The following NACAD variants were observed in gnomAD, a reference collection of about 807,000 sequenced individuals.
NACAD encodes the protein NAC-alpha domain-containing protein 1.
Under a neutral mutation model 98.9 loss-of-function variants are expected in NACAD, and 47 were observed. The ratio of observed to expected loss-of-function variants is 0.48; its 90% CI spans 0.38 to 0.61. The LOEUF (loss-of-function observed/expected upper bound fraction) is 0.61, where lower values mean the gene tolerates loss of function less well. NACAD is among the 20% of genes least tolerant of loss of function. NACAD has a pLI of 0.00. For missense variants in NACAD, 1,412 were observed against 1,748.2 expected (o/e 0.81, Z 3.43); for synonymous variants, 696 against 767.2 (o/e 0.91, Z 1.53).
rs1784414421 is a variant in NACAD at position 45,080,670 on chromosome 7, G to A, written c.4644C>T (p.Asp1548=). The change falls in exon 7 of 8, where the codon GAC becomes GAT. Residue 1548 remains aspartate (D), a synonymous_variant. Transcript: ENST00000490531. The part of the protein sequence containing the change: ...SRAKAVRALR[D]NHSDIVNAIM... Reference sequence around the variant, plus strand: ...TGGCGTTGACGATGTCACTGTGGTTGTCTCTCAGAGCCCGCACGGCCTTGG... The same window carrying A: ...TGGCGTTGACGATGTCACTGTGGTTATCTCTCAGAGCCCGCACGGCCTTGG... The A allele has an allele frequency of 6.4e-7, 1 of 1,551,180 alleles. No homozygotes were observed. Among genetic ancestry groups the A allele is most frequent in the Non-Finnish European group, 8.7e-7 (1 of 1,146,948 alleles).
Position 45,082,439 on chromosome 7 carries a change from G to T in NACAD, c.3741C>A (p.Ala1247=). 1 of 1,549,030 alleles carries T rather than the reference G, an allele frequency of 6.5e-7. No individual in the cohort carries two copies. The highest frequency in any genetic ancestry group is 1.2e-5 in the South Asian group (1 of 83,978). ...CCTGGGGGTCCTGGCACAGGCAGGG[G>T]GCTGGGGGCTCCAGTGGGGGTAGGG... ...GAALPPLEPP[A]PCLCQDPQED... The change falls in exon 2 of 8, where the codon GCC becomes GCA. Residue 1247 remains alanine (A), a synonymous_variant. Coordinates refer to ENST00000490531, the MANE Select transcript of NACAD (RefSeq NM_001146334.2). This position sits in a 1 kb window ranked among gnomAD's most constrained non-coding sequence, Gnocchi z 4.5.
chr7:45,085,094 C>A lies in NACAD; in HGVS notation c.1086G>T (p.Leu362=). 1 of 1,551,088 alleles carries A rather than the reference C, an allele frequency of 6.4e-7. No individual in the cohort carries two copies. The highest frequency in any genetic ancestry group is 8.7e-7 in the Non-Finnish European group (1 of 1,146,940). ...TGATGGACAGGTCAGACAGTGACTG[C>A]AGGAAGGAGGCAGACGTGCTGTCCT... ...GEEDSTSASF[L]QSLSDLSITE... Residue 362 remains leucine (L), a synonymous_variant, in exon 2 of 8, where the codon CTG becomes CTT. Transcript: ENST00000490531. The surrounding 1 kb of genome is among the most constrained non-coding windows in gnomAD (Gnocchi z 6.1).
chr7:45,082,863 G>A lies in NACAD; in HGVS notation c.3317C>T (p.Ala1106Val), dbSNP rs540224471. Residue 1106 changes from alanine (A) to valine (V), a missense_variant, in exon 2 of 8, where the codon GCG becomes GTG. Ala to Val is a moderately conservative substitution (Grantham distance 64). Transcript: ENST00000490531. The surrounding 1 kb of genome is among the most constrained non-coding windows in gnomAD (Gnocchi z 4.5). Reference sequence around the variant, plus strand: ...GACCTCAGGGCAGGCAGCAGGAGGCGCATCGGGGACCTCCCTTGCACCTCC... The same window carrying A: ...GACCTCAGGGCAGGCAGCAGGAGGCACATCGGGGACCTCCCTTGCACCTCC... ...ALGGAREVPD[A>V]PPAACPEVSQ... The A allele has an allele frequency of 5.2e-6, 8 of 1,550,212 alleles. No individual in the cohort carries two copies. Among genetic ancestry groups the A allele is most frequent in the East Asian group, 2.4e-5 (1 of 40,910 alleles).
In NACAD at chr7:45,080,954, T is replaced by A. The variant is rs1784420787; in HGVS notation, c.4473A>T (p.Ser1491=). The A allele has an allele frequency of 6.4e-7, 1 of 1,552,016 alleles. No individual in the cohort carries two copies. The highest frequency in any genetic ancestry group is 8.7e-7 in the Non-Finnish European group (1 of 1,147,190). ...AEKFKVPSEP[S]ALVPESAPRP... Reference sequence around the variant, plus strand: ...TGGGTGCTGACTCAGGGACCAAGGCTGAGGGCTCTGAGGGCACCTTAAACT... The same window carrying A: ...TGGGTGCTGACTCAGGGACCAAGGCAGAGGGCTCTGAGGGCACCTTAAACT... The change falls in exon 6 of 8, where the codon TCA becomes TCT. Residue 1491 remains serine (S), a synonymous_variant. Transcript: ENST00000490531.
Position 45,081,168 on chromosome 7 carries a change from A to G in NACAD, c.4353T>C (p.Asp1451=). Residue 1451 remains aspartate, a synonymous_variant, in exon 5 of 8, where the codon GAT becomes GAC. Coordinates refer to ENST00000490531, the MANE Select transcript of NACAD (RefSeq NM_001146334.2). The part of the protein sequence containing the change: ...KNILFVIAKP[D]VFKSPASDTY... ...TGTCTGAGGCTGGGCTCTTGAAGAC[A>G]TCAGGCTTGGCGATGACAAAGAGGA... is the stretch of plus-strand genomic sequence containing the variant. The G allele has an allele frequency of 1.3e-6, 2 of 1,551,504 alleles. No homozygotes were observed. The highest frequency in any genetic ancestry group is 1.7e-6 in the Non-Finnish European group (2 of 1,147,006).
chr7:45,084,797 T>C lies in NACAD; in HGVS notation c.1383A>G (p.Arg461=). The change falls in exon 2 of 8, where the codon AGA becomes AGG. Residue 461 remains arginine (R), a synonymous_variant. Coordinates refer to ENST00000490531, the MANE Select transcript of NACAD (RefSeq NM_001146334.2). ...TSDRGAYLSQ[R]QELISEVTEE... ...CTGTTACTTCTGAGATCAATTCCTG[T>C]CTCTGGGACAGATAGGCCCCTCTGT... 6.4e-7 allele frequency: 1 copy of C among 1,550,910 alleles called. No individual in the cohort carries two copies. Among genetic ancestry groups the C allele is most frequent in the Non-Finnish European group, 8.7e-7 (1 of 1,146,898 alleles).
intron 5 of NACAD, 23 bp downstream of exon 5, chr7:45,081,094 T>C (rs1222935325): frequency 6.4e-7 from 1 of 1,551,078 alleles, no homozygotes; most frequent in Non-Finnish European, 8.7e-7. Context: ...GATCCCCCAT[T>C]CCACCACAGC....
At chr7:45,087,881 T>G (rs1784544460) in intron 1 of NACAD, among the ~76,000 whole-genome samples, 1 of 152,040 alleles carries the variant, frequency 6.6e-6, no homozygotes, top group Non-Finnish European at 1.5e-5. Flanking sequence ...GGCTGAGCTG[T>G]TGGGATGGAG....
At position 45,086,120 on chromosome 7, in the gene NACAD, G is replaced by GAT. The variant is rs1240264067; in HGVS notation, c.68-10_68-9dup. 6 of 1,534,874 alleles carry GAT rather than the reference G, an allele frequency of 3.9e-6. No homozygotes were observed. In the African/African-American group the frequency reaches 8.2e-5, roughly 21 times the overall value. On this transcript the variant is annotated splice_polypyrimidine_tract_variant and intron_variant, in intron 1 of 7. Transcript: ENST00000490531. ...CCGCATCGCAGGACAGATCTGTGGA[G>GAT]ATAGAGAAGATCATGAGGTGCCCCT...
chr7:45,085,506 C>T lies in NACAD; in HGVS notation c.674G>A (p.Gly225Glu). Residue 225 changes from glycine to glutamate, a missense_variant, in exon 2 of 8, where the codon GGG becomes GAG. Transcript: ENST00000490531. The surrounding 1 kb of genome is among the most constrained non-coding windows in gnomAD (Gnocchi z 6.1). The part of the protein sequence containing the change: ...SPSGSYITAD[G>E]DSWASSPSCS... Reference sequence around the variant, plus strand: ...GGAGGGTGAAGAGGCCCAGCTGTCCCCATCGGCCGTAATGTAGGAGCCCGA... The same window carrying T: ...GGAGGGTGAAGAGGCCCAGCTGTCCTCATCGGCCGTAATGTAGGAGCCCGA... 6.4e-7 allele frequency: 1 copy of T among 1,550,796 alleles called. No individual in the cohort carries two copies. Among genetic ancestry groups the T allele is most frequent in the Non-Finnish European group, 8.7e-7 (1 of 1,146,958 alleles).
Position 45,084,434 on chromosome 7 carries a change from T to G in NACAD, c.1746A>C (p.Ala582=). The stretch of plus-strand genomic sequence containing the variant: ...TAGCCTGCCTGGGGACAATCGTGGC[T>G]GCAGCTACAGGCTTTCTGCCAGAGG... ...DLPSGRKPVA[A]ATIVPRQAKE... is the part of the protein sequence containing the mutation. The change falls in exon 2 of 8, where the codon GCA becomes GCC. Residue 582 remains alanine, a synonymous_variant. Transcript: ENST00000490531. The G allele has an allele frequency of 6.4e-7, 1 of 1,551,884 alleles. No homozygotes were observed. The highest frequency in any genetic ancestry group is 8.7e-7 in the Non-Finnish European group (1 of 1,146,944).
At position 45,082,442 on chromosome 7, in the gene NACAD, T is replaced by G; in HGVS notation, c.3738A>C (p.Pro1246=). ...GGGGGTCCTGGCACAGGCAGGGGGC[T>G]GGGGGCTCCAGTGGGGGTAGGGCTG... The part of the protein sequence containing the change: ...AGAALPPLEP[P]APCLCQDPQE... Residue 1246 remains proline, a synonymous_variant, in exon 2 of 8, where the codon CCA becomes CCC. Coordinates refer to ENST00000490531, the MANE Select transcript of NACAD (RefSeq NM_001146334.2). This position sits in a 1 kb window ranked among gnomAD's most constrained non-coding sequence, Gnocchi z 4.5. 1 of 1,547,948 alleles carries G rather than the reference T, an allele frequency of 6.5e-7. No homozygotes were observed. The highest frequency in any genetic ancestry group is 8.7e-7 in the Non-Finnish European group (1 of 1,146,266).
At position 45,080,639 on chromosome 7, in the gene NACAD, C is replaced by T; in HGVS notation, c.4674+1G>A. The stretch of plus-strand genomic sequence containing the variant: ...AGGGAAAGGGGCCAGTGCTCACTCA[C>T]CATGATGGCGTTGACGATGTCACTG... On this transcript the variant is annotated splice_donor_variant, in intron 7 of 7. Coordinates refer to ENST00000490531, the MANE Select transcript of NACAD (RefSeq NM_001146334.2). LOFTEE classifies it high-confidence loss of function. The T allele has an allele frequency of 6.4e-7, 1 of 1,551,382 alleles. No individual in the cohort carries two copies.
In NACAD at chr7:45,083,052, T is replaced by G. The variant is rs1454670280; in HGVS notation, c.3128A>C (p.Glu1043Ala). The G allele has an allele frequency of 2.6e-6, 4 of 1,550,802 alleles. No individual in the cohort carries two copies. The highest frequency in any genetic ancestry group is 8.7e-7 in the Non-Finnish European group (1 of 1,147,006). ...TTCCCGTCCAGGCCTAGAAAGGGCT[T>G]CTGCTATTTCCTCCCCAGCACCAGA... is the stretch of plus-strand genomic sequence containing the variant. ...PASGAGEEIA[E>A]ALSRPGREAC... Residue 1043 changes from glutamate to alanine, a missense_variant, in exon 2 of 8, where the codon GAA becomes GCA. Around this residue, in one of 5 missense-constraint regions of NACAD, gnomAD observed 572 missense variants for 639.6 expected, o/e 0.89. Transcript: ENST00000490531.
In NACAD at chr7:45,085,347, G is replaced by A. The variant is rs1470601994; in HGVS notation, c.833C>T (p.Ser278Phe). 1 of 1,550,626 alleles carries A rather than the reference G, an allele frequency of 6.4e-7. No individual in the cohort carries two copies. Among genetic ancestry groups the A allele is most frequent in the Non-Finnish European group, 8.7e-7 (1 of 1,146,760 alleles). Reference protein sequence around the residue: ...AGTPEPPSSESSLSADSSSSW... With the variant: ...AGTPEPPSSEFSLSADSSSSW... ...GGAGCTGCTGTCTGCAGAGAGGCTGGACTCAGAGGACGGGGGCTCTGGGGT... is the reference window on the plus strand; with the variant it reads ...GGAGCTGCTGTCTGCAGAGAGGCTGAACTCAGAGGACGGGGGCTCTGGGGT... Residue 278 changes from serine to phenylalanine, a missense_variant, in exon 2 of 8, where the codon TCC (serine) becomes TTC (phenylalanine). Physicochemically the swap from Ser to Phe is radical, Grantham distance 155. This residue lies in a region of NACAD where 638 missense variants were observed against 722.7 expected (regional missense o/e 0.88). Coordinates refer to ENST00000490531, the MANE Select transcript of NACAD (RefSeq NM_001146334.2). The surrounding 1 kb of genome is among the most constrained non-coding windows in gnomAD (Gnocchi z 6.1).
At chr7:45,087,709 G>T (rs1265537389) in intron 1 of NACAD, among the ~76,000 whole-genome samples, 2 of 152,336 alleles carry the variant, frequency 1.3e-5, no homozygotes, top group East Asian at 3.9e-4. Context: ...TGCTGCTGGG[G>T]TGATGGGACA....
At position 45,085,235 on chromosome 7, in the gene NACAD, G is replaced by T. The variant is rs1311094108; in HGVS notation, c.945C>A (p.Gly315=). ...CTGCCTCCACCTGAAAGATGAGGCTGCCCTGGAAGGGTAGGAGGGCTGCGG... is the reference window on the plus strand; with the variant it reads ...CTGCCTCCACCTGAAAGATGAGGCTTCCCTGGAAGGGTAGGAGGGCTGCGG... The part of the protein sequence containing the change: ...MIPAALLPFQ[G]SLIFQVEAVE... The change falls in exon 2 of 8, where the codon GGC becomes GGA. Residue 315 remains glycine (G), a synonymous_variant. Coordinates refer to ENST00000490531, the MANE Select transcript of NACAD (RefSeq NM_001146334.2). The surrounding 1 kb of genome is among the most constrained non-coding windows in gnomAD (Gnocchi z 6.1). 5 of 1,551,484 alleles carry T rather than the reference G, an allele frequency of 3.2e-6. No individual in the cohort carries two copies. The highest frequency in any genetic ancestry group is 2.0e-5 in the Admixed American group (1 of 51,014).
At position 45,085,524 on chromosome 7, in the gene NACAD, G is replaced by A. The variant is rs1784506607; in HGVS notation, c.656C>T (p.Ser219Phe). 1 of 1,550,762 alleles carries A rather than the reference G, an allele frequency of 6.4e-7. No individual in the cohort carries two copies. The highest frequency in any genetic ancestry group is 8.7e-7 in the Non-Finnish European group (1 of 1,146,948). ...GCTGTCCCCATCGGCCGTAATGTAG[G>A]AGCCCGAGGGTGAGGCGGGGGGCGA... ...LDSPPASPSG[S>F]YITADGDSWA... The change falls in exon 2 of 8, where the codon TCC becomes TTC. Residue 219 changes from serine (S) to phenylalanine (F), a missense_variant. By Grantham distance (155) the Ser-to-Phe change is radical. This residue lies in a region of NACAD where 638 missense variants were observed against 722.7 expected (regional missense o/e 0.88). Coordinates refer to ENST00000490531, the MANE Select transcript of NACAD (RefSeq NM_001146334.2). The surrounding 1 kb of genome is among the most constrained non-coding windows in gnomAD (Gnocchi z 6.1).
chr7:45,082,489 C>T lies in NACAD; in HGVS notation c.3691G>A (p.Ala1231Thr). 1 of 1,549,520 alleles carries T rather than the reference C, an allele frequency of 6.5e-7. No homozygotes were observed. The highest frequency in any genetic ancestry group is 1.7e-4 in the Middle Eastern group (1 of 5,956). The change falls in exon 2 of 8, where the codon GCT becomes ACT. Residue 1231 changes from alanine (A) to threonine (T), a missense_variant. Ala to Thr is a moderately conservative substitution (Grantham distance 58). Transcript: ENST00000490531. The surrounding 1 kb of genome is among the most constrained non-coding windows in gnomAD (Gnocchi z 4.5). Reference sequence around the variant, plus strand: ...GCTGCCCCAGCAAGGGTACCAGGAGCAGAAGGGTCAGGGCCCAGGGGCCTG... The same window carrying T: ...GCTGCCCCAGCAAGGGTACCAGGAGTAGAAGGGTCAGGGCCCAGGGGCCTG... Reference protein sequence around the residue: ...VDRPLGPDPSAPGTLAGAALP... With the variant: ...VDRPLGPDPSTPGTLAGAALP...
Sources: allele counts gnomAD v4.1 joint callset (sites outside exome capture counted in the v4.1 genomes callset), GRCh38; gene constraint gnomAD v4.1.1; regional missense constraint gnomAD v4.1.1; non-coding constraint Gnocchi (gnomAD v3.1); transcripts MANE v1.5; gene names NCBI Gene and HGNC (gene_info 2026-07-23, HGNC 2026-07-21).